The following NIPAL1 variants were observed in gnomAD, a reference collection of about 807,000 sequenced individuals.
The protein encoded by NIPAL1 is NIPA like domain containing 1, also known as magnesium transporter NIPA3.
A neutral mutation model predicts 37.7 loss-of-function variants in NIPAL1; 35 were observed. The observed-to-expected ratio is 0.93, with a 90% CI of 0.71 to 1.23. The LOEUF (loss-of-function observed/expected upper bound fraction) is 1.23, where lower values mean the gene tolerates loss of function less well. Ranked by LOEUF, NIPAL1 falls within the 50% of genes most tolerant of loss-of-function variation. The pLI is 0.00. For missense variants in NIPAL1, 412 were observed against 473.9 expected (o/e 0.87, Z 1.21); for synonymous variants, 162 against 183.0 (o/e 0.89, Z 0.93).
In NIPAL1 at chr4:48,025,086, T is replaced by G; in HGVS notation, c.65T>G (p.Val22Gly). ...PCREGYVLSL[V>G]CPNSSQAWCE... ...TTTCCAGGATATGTGCTGTCTCTGG[T>G]CTGTCCAAACTCCTCCCAGGCTTGG... The change falls in exon 2 of 6, where the codon GTC becomes GGC. Residue 22 changes from valine to glycine, a missense_variant. Physicochemically the swap from Val to Gly is moderately radical, Grantham distance 109 (BLOSUM62 -3). Transcript: ENST00000295461. The G allele has an allele frequency of 6.2e-7, 1 of 1,614,022 alleles. No homozygotes were observed. Among genetic ancestry groups the G allele is most frequent in the Non-Finnish European group, 8.5e-7 (1 of 1,179,868 alleles).
Position 48,036,294 on chromosome 4 carries a change from G to T in NIPAL1, c.*122G>T, listed in dbSNP as rs896467130. The T allele has an allele frequency of 1.4e-5, 13 of 907,892 alleles. No individual in the cohort carries two copies. Among genetic ancestry groups the T allele is most frequent in the Middle Eastern group, 3.5e-4 (1 of 2,870 alleles). 56.2% of individuals were successfully genotyped at this position (907,892 alleles called of 1,614,324 possible). On this transcript the variant is annotated 3_prime_UTR_variant, in exon 6 of 6. Coordinates refer to ENST00000295461, the MANE Select transcript of NIPAL1 (RefSeq NM_207330.3). ...TTGCAGTTCTAACTAATTTAGATGT[G>T]AGGCCAAGTAAAAATGCCATTTTTT... is the stretch of plus-strand genomic sequence containing the variant.
intron 4 of NIPAL1, among the ~76,000 whole-genome samples, 161 bp from the exon 5 acceptor site, chr4:48,034,720 T>C (rs10517205): frequency 0.01 from 1,570 of 152,282 alleles, 28 homozygotes; most frequent in African/African-American, 0.035. Context: ...TGCCCATCAG[T>C]TCTGAGTTTC....
intron 1 of NIPAL1, among the ~76,000 whole-genome samples, chr4:48,021,907 A>G (rs1715579003): frequency 6.6e-6 from 1 of 151,366 alleles, no homozygotes; most frequent in Non-Finnish European, 1.5e-5. Context: ...ATATATATTT[A>G]TAATATATAT....
chr4:48,039,397 T>G lies in NIPAL1; in HGVS notation c.*3225T>G, dbSNP rs1232745688. 1 of 152,150 alleles carries G rather than the reference T, an allele frequency of 6.6e-6. No individual in the cohort carries two copies. The highest frequency in any genetic ancestry group is 6.6e-5 in the Admixed American group (1 of 15,252). 9.4% of individuals were successfully genotyped at this position (152,150 alleles called of 1,614,324 possible). ...TATTTTCTAAGGAAGAATAAAATGC[T>G]GGACCCCTATATTCAGACTATTAGT... is the stretch of plus-strand genomic sequence containing the variant. On this transcript the variant is annotated 3_prime_UTR_variant, in exon 6 of 6. Coordinates refer to ENST00000295461, the MANE Select transcript of NIPAL1 (RefSeq NM_207330.3).
chr4:48,035,050 T>G lies in NIPAL1; in HGVS notation c.622+9T>G, dbSNP rs1289430206. 1 of 1,611,300 alleles carries G rather than the reference T, an allele frequency of 6.2e-7. No homozygotes were observed. The highest frequency in any genetic ancestry group is 2.2e-5 in the East Asian group (1 of 44,864). ...GAAATTGAGAGACCCAGGTCTGTGA[T>G]TCAACCTAAAGAACCACTCAAATTC... On this transcript the variant is annotated intron_variant, in intron 5 of 5. Coordinates refer to ENST00000295461, the MANE Select transcript of NIPAL1 (RefSeq NM_207330.3).
rs1577626941 is a variant in NIPAL1 at position 48,033,084 on chromosome 4, G to A, written c.461+1G>A. ...TGGGTGCTTTGAGTGTTCTCATAAG[G>A]TATGTGAGCAACAGGGAACTTGGCT... is the stretch of plus-strand genomic sequence containing the variant. On this transcript the variant is annotated splice_donor_variant, in intron 4 of 5. Transcript: ENST00000295461. LOFTEE classifies it high-confidence loss of function. 2 of 1,600,474 alleles carry A rather than the reference G, an allele frequency of 1.2e-6. No homozygotes were observed. Among genetic ancestry groups the A allele is most frequent in the African/African-American group, 1.3e-5 (1 of 74,720 alleles).
chr4:48,032,891 ATGTATTTGGGTTAAAAGTCCAC>A, intron 3 of NIPAL1, 80 bp from the exon 4 acceptor site: 1 of 676,684 alleles, frequency 1.5e-6, no homozygotes, highest in African/African-American at 1.8e-5. Flanking sequence ...AGATCTTCCC[ATGTATTTGGGTTAAAAGTCCAC>A]TGCTTTGCAT....
At chr4:48,034,354 G>A (rs1159063869) in intron 4 of NIPAL1, among the ~76,000 whole-genome samples, 1 of 151,778 alleles carries the variant, frequency 6.6e-6, no homozygotes, top group Admixed American at 6.6e-5. Flanking sequence ...TACCATTACT[G>A]TTACTGTATA....
At position 48,037,954 on chromosome 4, in the gene NIPAL1, C is replaced by G. The variant is rs1715991863; in HGVS notation, c.*1782C>G. 1 of 151,636 alleles carries G rather than the reference C, an allele frequency of 6.6e-6. No homozygotes were observed. The allele number at this position is 151,636 out of a possible 1,614,324, so 9.4% of individuals were successfully genotyped here. A position where few individuals can be genotyped will look rare whatever the true frequency, so the allele number is the denominator to read the frequency against. On this transcript the variant is annotated 3_prime_UTR_variant, in exon 6 of 6. Coordinates refer to ENST00000295461, the MANE Select transcript of NIPAL1 (RefSeq NM_207330.3). Reference sequence around the variant, plus strand: ...TTAAAAAAAAAAAAATTCAGGTAGACTGAATGTTTTTCTGCTCTAACCTTA... The same window carrying G: ...TTAAAAAAAAAAAAATTCAGGTAGAGTGAATGTTTTTCTGCTCTAACCTTA...
At chr4:48,026,543 T>C (rs1715690311) in intron 2 of NIPAL1, among the ~76,000 whole-genome samples, 1 of 152,152 alleles carries the variant, frequency 6.6e-6, no homozygotes, top group African/African-American at 2.4e-5. Context: ...CCCAAGTATA[T>C]ATAACAATTG....
chr4:48,024,940 G>T, intron 1 of NIPAL1, 128 bp from the exon 2 acceptor site: 1 of 765,188 alleles, frequency 1.3e-6, no homozygotes, highest in Non-Finnish European at 2.2e-6. Flanking sequence ...CCACCTGTTA[G>T]CGACTTCCCT....
In NIPAL1 at chr4:48,038,515, G is replaced by A. The variant is rs1017548223; in HGVS notation, c.*2343G>A. The A allele has an allele frequency of 1.9e-4, 29 of 152,278 alleles. No homozygotes were observed. The highest frequency in any genetic ancestry group is 7.0e-4 in the African/African-American group (29 of 41,528). The allele number at this position is 152,278 out of a possible 1,614,324, so 9.4% of individuals were successfully genotyped here. A position where few individuals can be genotyped will look rare whatever the true frequency, so the allele number is the denominator to read the frequency against. On this transcript the variant is annotated 3_prime_UTR_variant, in exon 6 of 6. Coordinates refer to ENST00000295461, the MANE Select transcript of NIPAL1 (RefSeq NM_207330.3). ...TAAAAAACATCAAGAGGCTGAGTCA[G>A]GAGGATCATTTGAGCTTAGGAGTTC... is the stretch of plus-strand genomic sequence containing the variant.
intron 1 of NIPAL1, among the ~76,000 whole-genome samples, chr4:48,023,684 G>A (rs1049538900): frequency 6.6e-6 from 1 of 152,152 alleles, no homozygotes; most frequent in East Asian, 1.9e-4. Context: ...AGTGTAAAAC[G>A]TTTTCATTTT....
intron 1 of NIPAL1, among the ~76,000 whole-genome samples, chr4:48,023,176 C>T (rs1353737428): frequency 6.6e-6 from 1 of 152,022 alleles, no homozygotes; most frequent in African/African-American, 2.4e-5. Flanking sequence ...TCCCTAAGTG[C>T]TGGGATTACA....
In NIPAL1 at chr4:48,036,178, C is replaced by T; in HGVS notation, c.*6C>T. 1 of 1,586,060 alleles carries T rather than the reference C, an allele frequency of 6.3e-7. No homozygotes were observed. The highest frequency in any genetic ancestry group is 1.2e-5 in the South Asian group (1 of 84,492). Reference sequence around the variant, plus strand: ...TTAGTAGAACTGATGACTGAAGTCTCTAGAAACACTGAGTTTTAACCAATA... The same window carrying T: ...TTAGTAGAACTGATGACTGAAGTCTTTAGAAACACTGAGTTTTAACCAATA... On this transcript the variant is annotated 3_prime_UTR_variant, in exon 6 of 6. Transcript: ENST00000295461.
At chr4:48,021,490 A>G (rs1190821122) in intron 1 of NIPAL1, among the ~76,000 whole-genome samples, 1 of 152,230 alleles carries the variant, frequency 6.6e-6, no homozygotes, top group Non-Finnish European at 1.5e-5. Context: ...TAGGGTTCAA[A>G]TTGTTCAGTT....
At chr4:48,029,775 C>G (rs1451933932) in intron 2 of NIPAL1, among the ~76,000 whole-genome samples, 1 of 152,040 alleles carries the variant, frequency 6.6e-6, no homozygotes, top group Non-Finnish European at 1.5e-5. Context: ...TTCCTCCTAC[C>G]CAACAATTAC....
intron 2 of NIPAL1, among the ~76,000 whole-genome samples, chr4:48,026,105 C>A (rs1163777005): frequency 6.6e-6 from 1 of 152,072 alleles, no homozygotes; most frequent in African/African-American, 2.4e-5. Context: ...TTTAGTTGTA[C>A]ATGTATTGTT....
chr4:48,023,395 C>G (rs1440759182), intron 1 of NIPAL1, among the ~76,000 whole-genome samples: 1 of 152,104 alleles, frequency 6.6e-6, no homozygotes, highest in African/African-American at 2.4e-5. Flanking sequence ...GTACATAGGT[C>G]CACTTATGGA....
Sources: allele counts gnomAD v4.1 joint callset (sites outside exome capture counted in the v4.1 genomes callset), GRCh38; gene constraint gnomAD v4.1.1; transcripts MANE v1.5; gene names NCBI Gene and HGNC (gene_info 2026-07-23, HGNC 2026-07-21).